Variants in FAM114A2 observed in about 807,000 individuals in gnomAD.
FAM114A2 encodes protein FAM114A2.
Under a neutral mutation model 58.4 loss-of-function variants are expected in FAM114A2, and 53 were observed. The observed-to-expected ratio is 0.91, with a 90% CI of 0.73 to 1.14. The LOEUF (loss-of-function observed/expected upper bound fraction) is 1.14. Ranked by LOEUF, FAM114A2 falls within the 50% of genes most tolerant of loss-of-function variation. The pLI is 0.00. For missense variants in FAM114A2, 601 were observed against 581.1 expected (o/e 1.03, Z -0.35); for synonymous variants, 228 against 211.4 (o/e 1.08, Z -0.68).
chr5:154,038,113 T>C (rs1772712934), intron 1 of FAM114A2, among the ~76,000 whole-genome samples: 1 of 152,148 alleles, frequency 6.6e-6, no homozygotes. Flanking sequence ...CCAGGCATTG[T>C]GTAGTAAGCG....
chr5:153,997,577 G>A (rs951199480), intron 12 of FAM114A2, among the ~76,000 whole-genome samples: 1 of 152,176 alleles, frequency 6.6e-6, no homozygotes, highest in African/African-American at 2.4e-5. Flanking sequence ...ATGGTGCGTA[G>A]GGCTGGGGAA....
chr5:154,011,164 A>G (rs535341465), intron 9 of FAM114A2, 77 bp downstream of exon 9: 9 of 1,157,432 alleles, frequency 7.8e-6, no homozygotes, highest in Non-Finnish European at 1.1e-5. Context: ...TCTGCCAGGA[A>G]TTTATAATCT....
intron 2 of FAM114A2, 124 bp from the exon 3 acceptor site, chr5:154,034,501 T>C: frequency 1.5e-6 from 1 of 652,426 alleles, no homozygotes. Flanking sequence ...ATACATATTA[T>C]TTAGCTAAAG....
chr5:153,993,808 T>C (rs933917079), intron 13 of FAM114A2, among the ~76,000 whole-genome samples: 69 of 151,988 alleles, frequency 4.5e-4, no homozygotes, highest in African/African-American at 1.6e-3. Flanking sequence ...CCACTAAAAA[T>C]AATAGGGAGC....
intron 10 of FAM114A2, 37 bp downstream of exon 10, chr5:154,002,810 C>A: frequency 6.2e-7 from 1 of 1,612,374 alleles, no homozygotes; most frequent in Non-Finnish European, 8.5e-7. Flanking sequence ...TTCAAATCTA[C>A]TAAAACAAAC....
intron 4 of FAM114A2, among the ~76,000 whole-genome samples, chr5:154,032,918 G>A (rs949217398): frequency 2.0e-5 from 3 of 152,160 alleles, no homozygotes; most frequent in African/African-American, 4.8e-5. Flanking sequence ...GCTGTTACTT[G>A]CAGCTAAAAT....
chr5:154,002,345 A>T lies in FAM114A2; in HGVS notation c.1162T>A (p.Cys388Ser), dbSNP rs774503196. 6.2e-7 allele frequency: 1 copy of T among 1,613,994 alleles called. No individual in the cohort carries two copies. The highest frequency in any genetic ancestry group is 1.7e-5 in the Admixed American group (1 of 60,026). ...AIRSLAELTA[C>S]SIELFHKTAA... ...GTTTTGTGGAATAGTTCAATTGAGC[A>T]GGCAGTCAGTTCAGCCAGGCTCCGG... The change falls in exon 11 of 14, where the codon TGC (cysteine) becomes AGC (serine). Residue 388 changes from cysteine (C) to serine (S), a missense_variant. By Grantham distance (112) the Cys-to-Ser change is moderately radical. Transcript: ENST00000351797.
At chr5:154,032,989 G>A (rs1772301027) in intron 4 of FAM114A2, among the ~76,000 whole-genome samples, 1 of 152,184 alleles carries the variant, frequency 6.6e-6, no homozygotes, top group Non-Finnish European at 1.5e-5. Flanking sequence ...ATAGTCCTTT[G>A]CAGCCATGTT....
intron 8 of FAM114A2, among the ~76,000 whole-genome samples, chr5:154,018,459 C>T (rs1771193766): frequency 6.6e-6 from 1 of 152,028 alleles, no homozygotes; most frequent in Admixed American, 6.6e-5. Context: ...CAGACGGATT[C>T]ACAGCAGAAT....
At chr5:154,013,327 T>C (rs916692456) in intron 8 of FAM114A2, among the ~76,000 whole-genome samples, 2 of 152,326 alleles carry the variant, frequency 1.3e-5, no homozygotes, top group South Asian at 2.1e-4. Context: ...AGGATGCTCA[T>C]GGAAAATGAA....
intron 11 of FAM114A2, among the ~76,000 whole-genome samples, chr5:154,000,045 A>T (rs577391609): frequency 7.4e-4 from 112 of 152,340 alleles, no homozygotes; most frequent in African/African-American, 2.6e-3. Context: ...CATTTGCAGC[A>T]ACATGGATAG....
At chr5:154,035,845 C>A (rs965761625) in intron 1 of FAM114A2, among the ~76,000 whole-genome samples, 8 of 152,196 alleles carry the variant, frequency 5.3e-5, no homozygotes, top group African/African-American at 1.4e-4. Flanking sequence ...TTCTTGCCAG[C>A]ATTTGACATT....
chr5:154,032,797 TAGAGAAGCCAGCCC>T (rs140623148), intron 4 of FAM114A2, among the ~76,000 whole-genome samples: 7 of 152,310 alleles, frequency 4.6e-5, no homozygotes, highest in Non-Finnish European at 8.8e-5. Context: ...AAGAATACTG[TAGAGAAGCCAGCCC>T]AGAACCTTGA....
intron 8 of FAM114A2, among the ~76,000 whole-genome samples, chr5:154,017,594 T>A (rs1771126803): frequency 6.6e-6 from 1 of 152,138 alleles, no homozygotes; most frequent in South Asian, 2.1e-4. Flanking sequence ...CAAACTGACT[T>A]AACAGATATA....
chr5:154,013,551 A>G (rs1770835800), intron 8 of FAM114A2, among the ~76,000 whole-genome samples: 1 of 152,204 alleles, frequency 6.6e-6, no homozygotes, highest in South Asian at 2.1e-4. Context: ...GTGAACAAGT[A>G]GGAGAAAAAA....
intron 9 of FAM114A2, among the ~76,000 whole-genome samples, chr5:154,003,434 C>T (rs575900261): frequency 6.6e-6 from 1 of 152,288 alleles, no homozygotes; most frequent in East Asian, 1.9e-4. Context: ...CTGCCTCAGC[C>T]TCCCAAAGTG....
At chr5:154,014,392 T>C (rs1770888442) in intron 8 of FAM114A2, among the ~76,000 whole-genome samples, 1 of 152,122 alleles carries the variant, frequency 6.6e-6, no homozygotes, top group African/African-American at 2.4e-5. Context: ...TACAGGAATA[T>C]ATCAGGAAGG....
intron 1 of FAM114A2, chr5:154,037,328 C>G (rs780790830): frequency 1.3e-5 from 2 of 152,146 alleles, no homozygotes; most frequent in Non-Finnish European, 2.9e-5. Context: ...TTACACATTT[C>G]CAAAACACAT....
intron 8 of FAM114A2, among the ~76,000 whole-genome samples, chr5:154,018,770 T>C (rs1282214058): frequency 1.3e-5 from 2 of 152,152 alleles, no homozygotes; most frequent in African/African-American, 4.8e-5. Flanking sequence ...AGGCAATAAA[T>C]GTGATATACC....
Sources: allele counts gnomAD v4.1 joint callset (sites outside exome capture counted in the v4.1 genomes callset), GRCh38; gene constraint gnomAD v4.1.1; transcripts MANE v1.5; gene names NCBI Gene and HGNC (gene_info 2026-07-23, HGNC 2026-07-21).